Variants in PPP2R5E observed in about 807,000 individuals in gnomAD.
The protein encoded by PPP2R5E is serine/threonine-protein phosphatase 2A 56 kDa regulatory subunit epsilon isoform.
Under a neutral mutation model 65.3 loss-of-function variants are expected in PPP2R5E, and 4 were observed. The ratio of observed to expected loss-of-function variants is 0.06; its 90% confidence interval spans 0.03 to 0.14. PPP2R5E has a LOEUF of 0.14. Among genes scored for constraint, PPP2R5E ranks in the 10% least tolerant of loss-of-function variants. PPP2R5E has a pLI of 1.00. For missense variants in PPP2R5E, 274 were observed against 556.1 expected (o/e 0.49, Z 5.10); for synonymous variants, 183 against 187.4 (o/e 0.98, Z 0.19).
rs529209171 is a variant in PPP2R5E, at chr14:63,516,091, C to T, written c.157+23438G>A. Among the ~76,000 whole-genome samples the T allele has an allele frequency of 8.5e-5, 13 of 152,112 alleles. 2 individuals are homozygous for T. Among genetic ancestry groups the T allele is most frequent in the African/African-American group, 2.7e-4 (11 of 41,502 alleles). ...GTCTCGATCTCCTGACCTTGTGATC[C>T]GCCCACCTCCGCCTCCTAAAGTGCT... On this transcript the variant is annotated intron_variant, in intron 2 of 13. Transcript: ENST00000337537.
chr14:63,395,143 G>T, intron 7 of PPP2R5E, 83 bp downstream of exon 7: 3 of 1,119,310 alleles, frequency 2.7e-6, no homozygotes, highest in South Asian at 1.3e-5. Context: ...AAGAGAACTA[G>T]GTGAGCATCT....
intron 5 of PPP2R5E, among the ~76,000 whole-genome samples, chr14:63,397,174 C>A (rs1885444494): frequency 6.6e-6 from 1 of 152,190 alleles, no homozygotes; most frequent in Admixed American, 6.5e-5. Flanking sequence ...TCAACCACTG[C>A]ACTATGCTAC....
intron 2 of PPP2R5E, among the ~76,000 whole-genome samples, chr14:63,514,698 T>A (rs909420570): frequency 2.6e-5 from 4 of 152,154 alleles, no homozygotes; most frequent in Non-Finnish European, 5.9e-5. Flanking sequence ...GGCACTATCC[T>A]AGACAGCAAG....
chr14:63,482,862 T>G (rs905917228), intron 2 of PPP2R5E, among the ~76,000 whole-genome samples: 1 of 152,160 alleles, frequency 6.6e-6, no homozygotes, highest in African/African-American at 2.4e-5. Flanking sequence ...AAGTACACAT[T>G]CCTTGAACAA....
intron 3 of PPP2R5E, among the ~76,000 whole-genome samples, chr14:63,432,508 A>G (rs2139927750): frequency 6.6e-6 from 1 of 152,358 alleles, no homozygotes; most frequent in Non-Finnish European, 1.5e-5. Context: ...ATGTAAATAT[A>G]GGCATGGTTT....
At chr14:63,532,202 G>A (rs1244069612) in intron 2 of PPP2R5E, among the ~76,000 whole-genome samples, 1 of 152,114 alleles carries the variant, frequency 6.6e-6, no homozygotes, top group Non-Finnish European at 1.5e-5. Context: ...CTATACAAGA[G>A]TATAATGACT....
chr14:63,397,075 A>T (rs1173415714), intron 5 of PPP2R5E, among the ~76,000 whole-genome samples: 2 of 152,230 alleles, frequency 1.3e-5, no homozygotes, highest in African/African-American at 4.8e-5. Context: ...TGGGGCACAT[A>T]GGGTTAAGTA....
intron 2 of PPP2R5E, among the ~76,000 whole-genome samples, chr14:63,461,135 A>G (rs1889434306): frequency 6.6e-6 from 1 of 152,238 alleles, no homozygotes; most frequent in Non-Finnish European, 1.5e-5. Flanking sequence ...GACAAAGTCA[A>G]TGTCTTTATT....
chr14:63,406,876 A>C (rs1267319202), intron 5 of PPP2R5E, among the ~76,000 whole-genome samples: 2 of 152,208 alleles, frequency 1.3e-5, no homozygotes, highest in African/African-American at 4.8e-5. Context: ...TGATTTTTAG[A>C]ATAAGAGTTG....
intron 2 of PPP2R5E, among the ~76,000 whole-genome samples, chr14:63,530,351 G>A (rs1332221921): frequency 6.8e-6 from 1 of 147,438 alleles, no homozygotes; most frequent in African/African-American, 2.5e-5. Context: ...TCCTGCCTCA[G>A]CCTCCCGAGT....
chr14:63,384,503 G>T lies in PPP2R5E; in HGVS notation c.1143C>A (p.Asn381Lys), dbSNP rs61732995. 2 of 1,613,802 alleles carry T rather than the reference G, an allele frequency of 1.2e-6. No homozygotes were observed. Among genetic ancestry groups the T allele is most frequent in the South Asian group, 1.1e-5 (1 of 91,060 alleles). ...TGGAAAACATGATGGGAAGGATGACGTTAGAGTTTTCTTCTATCAAACTCA... is the reference window on the plus strand; with the variant it reads ...TGGAAAACATGATGGGAAGGATGACTTTAGAGTTTTCTTCTATCAAACTCA... ...YIMSLIEENSNVILPIMFSSL... is the reference protein window; with the variant it reads ...YIMSLIEENSKVILPIMFSSL... The change falls in exon 12 of 14, where the codon AAC (asparagine) becomes AAA (lysine). Residue 381 changes from asparagine (N) to lysine (K), a missense_variant. Around this residue, in one of 6 missense-constraint regions of PPP2R5E, gnomAD observed 129 missense variants for 254.9 expected, o/e 0.51. Coordinates refer to ENST00000337537, the MANE Select transcript of PPP2R5E (RefSeq NM_006246.5).
chr14:63,410,564 A>G (rs989746992), intron 5 of PPP2R5E, among the ~76,000 whole-genome samples: 2 of 152,278 alleles, frequency 1.3e-5, no homozygotes, highest in South Asian at 4.2e-4. Flanking sequence ...AGCAGAACCA[A>G]ACTGGCCAGG....
rs150836923 is a variant in PPP2R5E at position 63,512,920 on chromosome 14, G to C, written c.157+26609C>G. 5.9e-5 allele frequency among the ~76,000 whole-genome samples: 9 copies of C among 152,078 alleles called. No homozygotes were observed. In the East Asian group the frequency reaches 1.7e-3, roughly 29 times the overall value. On this transcript the variant is annotated intron_variant, in intron 2 of 13. Transcript: ENST00000337537. ...TAAACAACTAGTATGAAGATGGCTTGATTTCTGAAACATCTCATCACCTAT... is the reference window on the plus strand; with the variant it reads ...TAAACAACTAGTATGAAGATGGCTTCATTTCTGAAACATCTCATCACCTAT...
chr14:63,487,739 A>G (rs1891066417), intron 2 of PPP2R5E, among the ~76,000 whole-genome samples: 1 of 152,186 alleles, frequency 6.6e-6, no homozygotes, highest in African/African-American at 2.4e-5. Flanking sequence ...TCTGTCAAAG[A>G]ATACTTCCTC....
chr14:63,454,082 T>C (rs1594892325), intron 2 of PPP2R5E, among the ~76,000 whole-genome samples, 197 bp from the exon 3 acceptor site: 1 of 152,202 alleles, frequency 6.6e-6, no homozygotes, highest in Non-Finnish European at 1.5e-5. Flanking sequence ...GAAAACTACA[T>C]TGTACCAACA....
At chr14:63,381,904 C>T in intron 13 of PPP2R5E, 152 bp downstream of exon 13, 2 of 583,182 alleles carry the variant, frequency 3.4e-6, no homozygotes, top group South Asian at 2.3e-5. Flanking sequence ...GGATGCATTT[C>T]TCAGAACATA....
At chr14:63,392,406 G>A (rs573992504) in intron 8 of PPP2R5E, among the ~76,000 whole-genome samples, 1 of 152,306 alleles carries the variant, frequency 6.6e-6, no homozygotes, top group East Asian at 1.9e-4. Flanking sequence ...TTTTACTGTA[G>A]TTCCACAAGA....
At chr14:63,540,072 C>T (rs1336781525) in intron 1 of PPP2R5E, among the ~76,000 whole-genome samples, 1 of 149,892 alleles carries the variant, frequency 6.7e-6, no homozygotes, top group Non-Finnish European at 1.5e-5. Context: ...TTGCAGTGGG[C>T]CAGGATCCCG....
chr14:63,496,556 A>G (rs901108411), intron 2 of PPP2R5E, among the ~76,000 whole-genome samples: 5 of 152,216 alleles, frequency 3.3e-5, no homozygotes, highest in Middle Eastern at 3.4e-3. Flanking sequence ...ACCCATCAAT[A>G]ACTAAGAACA....
Sources: allele counts gnomAD v4.1 joint callset (sites outside exome capture counted in the v4.1 genomes callset), GRCh38; gene constraint gnomAD v4.1.1; regional missense constraint gnomAD v4.1.1; transcripts MANE v1.5; gene names NCBI Gene and HGNC (gene_info 2026-07-23, HGNC 2026-07-21).